CDH1: variants seen among roughly 807,000 people sequenced by gnomAD.
The protein encoded by CDH1 is cadherin 1.
A neutral mutation model predicts 84.5 loss-of-function variants in CDH1; 35 were observed. The observed-to-expected ratio is 0.41, with a 90% CI of 0.32 to 0.55. The LOEUF (loss-of-function observed/expected upper bound fraction) is 0.55, where lower values mean the gene tolerates loss of function less well. Ranked by LOEUF, CDH1 falls within the 20% of genes least tolerant of loss-of-function variation. CDH1 has a pLI of 0.19. For missense variants in CDH1, 994 were observed against 1,126.6 expected, an observed-to-expected ratio of 0.88 and a Z score of 1.68; for synonymous variants, 417 against 439.0, an observed-to-expected ratio of 0.95 and a Z score of 0.63.
At chr16:68,830,048 G>A (rs1202406146) in intron 15 of CDH1, among the ~76,000 whole-genome samples, 8 of 149,624 alleles carry the variant, frequency 5.3e-5, no homozygotes, top group African/African-American at 1.2e-4. Flanking sequence ...ACCTCTGCCC[G>A]GGTTCAAGCG....
intron 2 of CDH1, among the ~76,000 whole-genome samples, chr16:68,786,174 T>C (rs74681310): frequency 6.7e-6 from 1 of 150,342 alleles, no homozygotes; most frequent in South Asian, 2.1e-4. Context: ...CTTGGAATTC[T>C]TTTTTTTTCA....
intron 2 of CDH1, among the ~76,000 whole-genome samples, chr16:68,748,829 C>T (rs1228097235): frequency 6.6e-6 from 1 of 152,156 alleles, no homozygotes; most frequent in Non-Finnish European, 1.5e-5. Flanking sequence ...GAAGATAAAA[C>T]AGTTTTTTTT....
In CDH1 at chr16:68,833,760, C is replaced by A. The variant is rs866582005; in HGVS notation, c.*261C>A. ...CATGGTGGTGATGTCCAAAAGATAC[C>A]CAAATTTTAATATTCCAGAAGAACA... On this transcript the variant is annotated 3_prime_UTR_variant, in exon 16 of 16. Coordinates refer to ENST00000261769, the MANE Select transcript of CDH1 (RefSeq NM_004360.5). 4.0e-6 allele frequency: 2 copies of A among 494,288 alleles called. No individual in the cohort carries two copies. Among genetic ancestry groups the A allele is most frequent in the South Asian group, 4.4e-5 (2 of 45,068 alleles). The allele number at this position is 494,288 out of a possible 1,614,324, so 30.6% of individuals were successfully genotyped here. A position where few individuals can be genotyped will look rare whatever the true frequency, so the allele number is the denominator to read the frequency against.
intron 2 of CDH1, among the ~76,000 whole-genome samples, chr16:68,755,727 C>A (rs1307237879): frequency 3.3e-5 from 5 of 151,702 alleles, no homozygotes; most frequent in Non-Finnish European, 7.4e-5. Context: ...GCATGTTGCC[C>A]AAGAGGAATA....
At chr16:68,775,159 A>G (rs954808183) in intron 2 of CDH1, among the ~76,000 whole-genome samples, 8 of 151,088 alleles carry the variant, frequency 5.3e-5, no homozygotes, top group Admixed American at 3.3e-4. Context: ...GAACACCCTC[A>G]TTTTACAATT....
chr16:68,762,524 G>T (rs900290084), intron 2 of CDH1, among the ~76,000 whole-genome samples: 2 of 152,202 alleles, frequency 1.3e-5, no homozygotes, highest in African/African-American at 4.8e-5. Flanking sequence ...GACTTTTGCA[G>T]TGAGGGAGTG....
At chr16:68,823,374 C>T (rs201760019) in intron 12 of CDH1, 25 bp from the exon 13 acceptor site, 1 of 1,524,150 alleles carries the variant, frequency 6.6e-7, no homozygotes, top group Non-Finnish European at 9.1e-7. Context: ...CTGGTCTCAT[C>T]ATTTCTTTTT....
intron 2 of CDH1, among the ~76,000 whole-genome samples, chr16:68,773,925 A>G (rs12596061): frequency 0.28 from 42,138 of 152,070 alleles, 5,957 homozygotes; most frequent in Middle Eastern, 0.33. Flanking sequence ...TGTTTTATTT[A>G]TTTATTTTTA....
rs754360330 is a variant in CDH1, at chr16:68,833,340, G to A, written c.2490G>A (p.Leu830=). The part of the protein sequence containing the change: ...TDPTAPPYDS[L]LVFDYEGSGS... ...CCACAGCCCCGCCTTATGATTCTCT[G>A]CTCGTGTTTGACTATGAAGGAAGCG... The change falls in exon 16 of 16, where the codon CTG becomes CTA. Residue 830 remains leucine (L), a synonymous_variant. Transcript: ENST00000261769. 4 of 1,614,176 alleles carry A rather than the reference G, an allele frequency of 2.5e-6. No homozygotes were observed. The highest frequency in any genetic ancestry group is 1.7e-5 in the Admixed American group (1 of 60,018).
At chr16:68,778,414 A>G (rs955074574) in intron 2 of CDH1, among the ~76,000 whole-genome samples, 1 of 152,204 alleles carries the variant, frequency 6.6e-6, no homozygotes, top group Non-Finnish European at 1.5e-5. Flanking sequence ...TGAAATGCCA[A>G]CAGGGAACAA....
chr16:68,793,236 G>C (rs1960259529), intron 2 of CDH1, among the ~76,000 whole-genome samples: 1 of 152,210 alleles, frequency 6.6e-6, no homozygotes, highest in Non-Finnish European at 1.5e-5. Context: ...CTTATGCAAA[G>C]TGGTAACATA....
chr16:68,821,081 C>T (rs911610558), intron 11 of CDH1, among the ~76,000 whole-genome samples: 5 of 152,016 alleles, frequency 3.3e-5, no homozygotes, highest in African/African-American at 7.2e-5. Context: ...GTTTTGTATC[C>T]GTATCGTATA....
intron 2 of CDH1, among the ~76,000 whole-genome samples, chr16:68,745,550 A>ATATATATG (rs1962706350): frequency 4.0e-5 from 2 of 50,498 alleles, no homozygotes; most frequent in Admixed American, 2.8e-4. Flanking sequence ...AAAAAAAAAA[A>ATATATATG]TATATATATA....
intron 2 of CDH1, among the ~76,000 whole-genome samples, chr16:68,784,857 T>A (rs1328851862): frequency 6.6e-6 from 1 of 152,004 alleles, no homozygotes; most frequent in Non-Finnish European, 1.5e-5. Context: ...GTTTCCTGTC[T>A]CTAATCCCAG....
chr16:68,745,125 G>A (rs916712467), intron 2 of CDH1, among the ~76,000 whole-genome samples: 9 of 151,604 alleles, frequency 5.9e-5, no homozygotes, highest in Non-Finnish European at 1.2e-4. Context: ...GGGGCAAGGC[G>A]CAGCTAGGGC....
At chr16:68,819,558 A>T in intron 11 of CDH1, 133 bp downstream of exon 11, 1 of 1,009,930 alleles carries the variant, frequency 9.9e-7, no homozygotes, top group Non-Finnish European at 1.5e-6. Flanking sequence ...TGATTTGTAT[A>T]AATGTATGGA....
At chr16:68,745,529 G>A (rs1962698620) in intron 2 of CDH1, among the ~76,000 whole-genome samples, 1 of 10,444 alleles carries the variant, frequency 9.6e-5, no homozygotes, top group Non-Finnish European at 2.2e-4. Flanking sequence ...TAGAGATCCT[G>A]TCTCAAAAAA....
chr16:68,821,856 T>C, intron 11 of CDH1, 145 bp from the exon 12 acceptor site: 1 of 706,644 alleles, frequency 1.4e-6, no homozygotes, highest in East Asian at 2.7e-5. Flanking sequence ...TTGGGATTGG[T>C]GGGACAGGAG....
Position 68,822,063 on chromosome 16 carries a change from GC to G in CDH1, c.1779del (p.Ile594TyrfsTer19), listed in dbSNP as rs876661118. The G allele has an allele frequency of 6.2e-7, 1 of 1,614,088 alleles. No homozygotes were observed. Among genetic ancestry groups the G allele is most frequent in the Non-Finnish European group, 8.5e-7 (1 of 1,180,022 alleles). ...GATCCTGTCTGATGTGAATGACAAC[GC>G]CCCCATACCAGAACCTCGAACTATA... The part of the protein sequence containing the change: ...LLILSDVNDN[A>X]PIPEPRTIFF... On this transcript the variant is annotated frameshift_variant, in exon 12 of 16. Coordinates refer to ENST00000261769, the MANE Select transcript of CDH1 (RefSeq NM_004360.5). LOFTEE classifies it high-confidence loss of function.
Sources: gnomAD v4.1 joint callset for allele counts (sites outside exome capture counted in the v4.1 genomes callset) on GRCh38, gnomAD v4.1.1 for gene constraint, MANE v1.5 for transcripts, NCBI Gene and HGNC (gene_info 2026-07-23, HGNC 2026-07-21) for gene names.